PDXK: variants seen among roughly 807,000 people sequenced by gnomAD.
PDXK encodes pyridoxal kinase.
A neutral mutation model predicts 43.2 loss-of-function variants in PDXK; 15 were observed. The observed-to-expected ratio is 0.35, with a 90% confidence interval of 0.23 to 0.53. PDXK has a LOEUF of 0.53. PDXK is among the 20% of genes least tolerant of loss of function. The pLI is 0.92. For missense variants in PDXK, 343 were observed against 417.0 expected, an observed-to-expected ratio of 0.82 and a Z score of 1.54; for synonymous variants, 172 against 165.4, an observed-to-expected ratio of 1.04 and a Z score of -0.31.
rs1291428449 is a variant in PDXK, at chr21:43,761,962, G to C, written c.*5899G>C. The C allele has an allele frequency of 6.5e-6, 1 of 153,848 alleles. No individual in the cohort carries two copies. The highest frequency in any genetic ancestry group is 2.4e-5 in the African/African-American group (1 of 41,458). The allele number at this position is 153,848 out of a possible 1,614,324, so 9.5% of individuals were successfully genotyped here. A position where few individuals can be genotyped will look rare whatever the true frequency, so the allele number is the denominator to read the frequency against. ...CCTTCTGGATGCCTTTAACTTCATG[G>C]CTGCGTCATTCCTGATTTAGAACTT... On this transcript the variant is annotated 3_prime_UTR_variant, in exon 11 of 11. Transcript: ENST00000291565.
At position 43,732,050 on chromosome 21, in the gene PDXK, G is replaced by T. The variant is rs1019239809; in HGVS notation, c.88-2019G>T. 2.5e-5 allele frequency: 18 copies of T among 721,794 alleles called. No homozygotes were observed. The highest frequency in any genetic ancestry group is 3.1e-5 in the Non-Finnish European group (17 of 551,174). The allele number at this position is 721,794 out of a possible 1,614,324, so 44.7% of individuals were successfully genotyped here. ...CAAAGTGGATTCCGCTGCTGCTATG[G>T]GAAGGGACGGTCACTACCGCTGCCC... On this transcript the variant is annotated intron_variant, in intron 1 of 10. Transcript: ENST00000291565. The surrounding 1 kb of genome is among the most constrained non-coding windows in gnomAD (Gnocchi z 4.1).
intron 1 of PDXK, among the ~76,000 whole-genome samples, chr21:43,720,922 G>C (rs947128755): frequency 6.6e-6 from 1 of 152,148 alleles, no homozygotes; most frequent in Admixed American, 6.5e-5. Flanking sequence ...TGGCTCACTC[G>C]GGATCCCCCA....
At position 43,731,480 on chromosome 21, in the gene PDXK, A is replaced by T. The variant is rs541785258; in HGVS notation, c.88-2589A>T. 1.2e-4 allele frequency among the ~76,000 whole-genome samples: 18 copies of T among 152,380 alleles called. No homozygotes were observed. The South Asian group carries it at 3.3e-3, about 28-fold the overall frequency. On this transcript the variant is annotated intron_variant, in intron 1 of 10. Transcript: ENST00000291565. ...ACGGAAGAGCCCCATAGGCCATTAT[A>T]GGGACAGGGTTTACTGTAAAACAAG...
In PDXK at chr21:43,737,537, G is replaced by A. The variant is rs371479708; in HGVS notation, c.142+3414G>A. 123 of 1,017,670 alleles carry A rather than the reference G, an allele frequency of 1.2e-4. No individual in the cohort carries two copies. The African/African-American group carries it at 2.1e-3, about 17-fold the overall frequency. The allele number at this position is 1,017,670 out of a possible 1,614,324, so 63.0% of individuals were successfully genotyped here. Reference sequence around the variant, plus strand: ...GGAGGTCAGCGGGTGGACGGGTTGCGCTGTCCTGGCTTTCGGAGTGTAGAG... The same window carrying A: ...GGAGGTCAGCGGGTGGACGGGTTGCACTGTCCTGGCTTTCGGAGTGTAGAG... On this transcript the variant is annotated intron_variant, in intron 2 of 10. Coordinates refer to ENST00000291565, the MANE Select transcript of PDXK (RefSeq NM_003681.5). This position sits in a 1 kb window ranked among gnomAD's most constrained non-coding sequence, Gnocchi z 4.8.
rs370677926 is a variant in PDXK, at chr21:43,741,734, G to A, written c.210G>A (p.Arg70=). ...DELQELYEGL[R]LNNMNKYDYV... is the part of the protein sequence containing the mutation. ...TCCAGGAGTTGTACGAAGGCCTGAG[G>A]CTGAACAACATGAATAAATATGACT... Residue 70 remains arginine (R), a synonymous_variant, in exon 3 of 11, where the codon AGG becomes AGA. Transcript: ENST00000291565. 8 of 1,612,674 alleles carry A rather than the reference G, an allele frequency of 5.0e-6. No individual in the cohort carries two copies. In the African/African-American group the frequency reaches 5.3e-5, roughly 11 times the overall value.
At chr21:43,736,293 C>T (rs1044565568) in intron 2 of PDXK, among the ~76,000 whole-genome samples, 4 of 152,144 alleles carry the variant, frequency 2.6e-5, no homozygotes, top group Non-Finnish European at 4.4e-5. Context: ...CTCCGGGCAC[C>T]CTTGTTCCAG....
Position 43,724,569 on chromosome 21 carries a change from C to T in PDXK, c.87+5188C>T, listed in dbSNP as rs529755377. On this transcript the variant is annotated intron_variant, in intron 1 of 10. Coordinates refer to ENST00000291565, the MANE Select transcript of PDXK (RefSeq NM_003681.5). The stretch of plus-strand genomic sequence containing the variant: ...ATTTAAGCATCCCCAAGCCCAGGTG[C>T]GGTGGCTCACACCTATAATCCCAGT... 6.6e-5 allele frequency among the ~76,000 whole-genome samples: 10 copies of T among 152,032 alleles called. No homozygotes were observed. The East Asian group carries it at 7.7e-4, about 12-fold the overall frequency.
intron 1 of PDXK, among the ~76,000 whole-genome samples, chr21:43,729,786 C>G (rs959562211): frequency 6.6e-5 from 10 of 151,936 alleles, no homozygotes; most frequent in Non-Finnish European, 1.5e-4. Context: ...AAAAATAAAA[C>G]ATAAAAAATT....
intron 1 of PDXK, among the ~76,000 whole-genome samples, chr21:43,729,639 G>A (rs1284302411): frequency 1.3e-5 from 2 of 152,178 alleles, no homozygotes; most frequent in Non-Finnish European, 2.9e-5. Context: ...GGGGAGCTAG[G>A]AGCAGAACAG....
intron 1 of PDXK, among the ~76,000 whole-genome samples, chr21:43,725,255 G>A (rs559984457): frequency 3.9e-5 from 6 of 152,116 alleles, no homozygotes; most frequent in East Asian, 3.9e-4. Flanking sequence ...CCCAGGAGGC[G>A]GAGCTTGCAG....
chr21:43,754,536 C>T lies in PDXK; in HGVS notation c.759+817C>T, dbSNP rs1010951907. On this transcript the variant is annotated intron_variant, in intron 9 of 10. Transcript: ENST00000291565. This position sits in a 1 kb window ranked among gnomAD's most constrained non-coding sequence, Gnocchi z 5.5. Reference sequence around the variant, plus strand: ...CCTGGAGTGTGTCTTCTTACAACACCGTCCAGAGCCGTGCTGTGCTCTGAG... The same window carrying T: ...CCTGGAGTGTGTCTTCTTACAACACTGTCCAGAGCCGTGCTGTGCTCTGAG... Among the ~76,000 whole-genome samples the T allele has an allele frequency of 1.1e-4, 17 of 152,254 alleles. No homozygotes were observed. Among genetic ancestry groups the T allele is most frequent in the Non-Finnish European group, 1.6e-4 (11 of 68,008 alleles).
intron 9 of PDXK, 30 bp from the exon 10 acceptor site, chr21:43,755,668 A>C: frequency 6.3e-7 from 1 of 1,587,720 alleles, no homozygotes; most frequent in Non-Finnish European, 8.7e-7. Flanking sequence ...TGAGTGGGCC[A>C]GGGGCACAGC....
At chr21:43,741,003 TC>T (rs1393259350) in intron 2 of PDXK, 1 of 149,194 alleles carries the variant, frequency 6.7e-6, no homozygotes, top group Admixed American at 6.7e-5. Context: ...CCAGGGGCCT[TC>T]CGGACAGCAA....
In PDXK at chr21:43,747,938, C is replaced by T. The variant is rs140065259; in HGVS notation, c.379-1057C>T. 3.9e-5 allele frequency among the ~76,000 whole-genome samples: 6 copies of T among 152,326 alleles called. No individual in the cohort carries two copies. The East Asian group carries it at 1.2e-3, about 29-fold the overall frequency. On this transcript the variant is annotated intron_variant, in intron 5 of 10. Coordinates refer to ENST00000291565, the MANE Select transcript of PDXK (RefSeq NM_003681.5). The stretch of plus-strand genomic sequence containing the variant: ...AGGGATCGGGGACATCCACGTGCCA[C>T]CCACCCATCCTTAGTGCCTCCTAAG...
At position 43,737,901 on chromosome 21, in the gene PDXK, C is replaced by G. The variant is rs1306265137; in HGVS notation, c.143-3766C>G. 2 of 985,384 alleles carry G rather than the reference C, an allele frequency of 2.0e-6. No individual in the cohort carries two copies. The highest frequency in any genetic ancestry group is 1.7e-5 in the African/African-American group (1 of 57,252). 61.0% of individuals were successfully genotyped at this position (985,384 alleles called of 1,614,324 possible). A position where few individuals can be genotyped will look rare whatever the true frequency, so the allele number is the denominator to read the frequency against. The stretch of plus-strand genomic sequence containing the variant: ...GCGCCCTCCCCTGTTGGAGAAGGTT[C>G]TTGTGGGCTCTGGGCCCATCCCACA... On this transcript the variant is annotated intron_variant, in intron 2 of 10. Transcript: ENST00000291565. This position sits in a 1 kb window ranked among gnomAD's most constrained non-coding sequence, Gnocchi z 4.8.
intron 1 of PDXK, among the ~76,000 whole-genome samples, chr21:43,727,137 G>T (rs182519515): frequency 6.6e-6 from 1 of 152,190 alleles, no homozygotes; most frequent in African/African-American, 2.4e-5. Flanking sequence ...GGGCAGCTTC[G>T]GGGACACAGG....
chr21:43,754,235 TTTGTC>T lies in PDXK; in HGVS notation c.759+518_759+522del, dbSNP rs1281363847. ...TGTGGAGAGCCGTCTTTCTGGGCGT[TTTGTC>T]TGGATGTCTGCCTGCTTTTCAAGTT... is the stretch of plus-strand genomic sequence containing the variant. On this transcript the variant is annotated intron_variant, in intron 9 of 10. Transcript: ENST00000291565. The surrounding 1 kb of genome is among the most constrained non-coding windows in gnomAD (Gnocchi z 5.5). 6.6e-6 allele frequency among the ~76,000 whole-genome samples: 1 copy of T among 152,064 alleles called. No individual in the cohort carries two copies. The highest frequency in any genetic ancestry group is 6.5e-5 in the Admixed American group (1 of 15,276).
Position 43,732,135 on chromosome 21 carries a change from G to T in PDXK, c.88-1934G>T, listed in dbSNP as rs371965644. 8.9e-6 allele frequency: 12 copies of T among 1,352,802 alleles called. No individual in the cohort carries two copies. Among genetic ancestry groups the T allele is most frequent in the South Asian group, 7.1e-5 (4 of 56,518 alleles). The allele number at this position is 1,352,802 out of a possible 1,614,324, so 83.8% of individuals were successfully genotyped here. ...CTGCTGACAGAAGCCCATTCTCTTC[G>T]CAGGCTTCAGTTTCACATTCTTGGT... On this transcript the variant is annotated intron_variant, in intron 1 of 10. Transcript: ENST00000291565. This position sits in a 1 kb window ranked among gnomAD's most constrained non-coding sequence, Gnocchi z 4.1.
intron 2 of PDXK, among the ~76,000 whole-genome samples, chr21:43,739,432 C>G (rs2083456811): frequency 6.6e-6 from 1 of 152,158 alleles, no homozygotes; most frequent in African/African-American, 2.4e-5. Flanking sequence ...TAAAGACATA[C>G]CTGAGACTGG....
Sources: allele counts gnomAD v4.1 joint callset (sites outside exome capture counted in the v4.1 genomes callset), GRCh38; gene constraint gnomAD v4.1.1; non-coding constraint Gnocchi (gnomAD v3.1); transcripts MANE v1.5; gene names NCBI Gene and HGNC (gene_info 2026-07-23, HGNC 2026-07-21).